Variants in MED12 observed in about 807,000 individuals in gnomAD.
MED12 encodes the protein mediator complex subunit 12, also known as mediator of RNA polymerase II transcription subunit 12.
MED12 carries 10 observed loss-of-function variants against 177.7 expected under a neutral mutation model. That is an observed-to-expected ratio of 0.06 (90% confidence interval 0.03 to 0.10). MED12 has a LOEUF of 0.10. MED12 is among the 10% of genes least tolerant of loss of function. The probability of loss-of-function intolerance (pLI) is 1.00; values close to 1 mark genes in which losing one functional copy is unlikely to be tolerated. For missense variants in MED12, 867 were observed against 1,780.8 expected, an observed-to-expected ratio of 0.49 and a Z score of 9.23; for synonymous variants, 641 against 678.4, an observed-to-expected ratio of 0.94 and a Z score of 0.86.
rs376743527 is a variant in MED12 at position 71,118,781 on chromosome X, C to T, written c.27C>T (p.Tyr9=). 2.4e-5 allele frequency: 29 copies of T among 1,206,244 alleles called. No homozygotes were observed. The African/African-American group carries it at 3.6e-4, about 15-fold the overall frequency. Residue 9 remains tyrosine, a synonymous_variant, in exon 1 of 45, where the codon TAC becomes TAT. Coordinates refer to ENST00000374080, the MANE Select transcript of MED12 (RefSeq NM_005120.3). MAAFGILS[Y]EHRPLKRPRL... Reference sequence around the variant, plus strand: ...TGGCGGCCTTCGGGATCTTGAGCTACGAACACCGGCCCCTGAAGCGGCCGC... The same window carrying T: ...TGGCGGCCTTCGGGATCTTGAGCTATGAACACCGGCCCCTGAAGCGGCCGC...
Position 71,128,337 on chromosome X carries a change from A to G in MED12, c.3251A>G (p.Tyr1084Cys). Residue 1084 changes from tyrosine (Y) to cysteine (C), a missense_variant, in exon 23 of 45, where the codon TAT becomes TGT. Around this residue, in one of 14 missense-constraint regions of MED12, gnomAD observed 70 missense variants for 143.6 expected, o/e 0.49. Coordinates refer to ENST00000374080, the MANE Select transcript of MED12 (RefSeq NM_005120.3). The stretch of plus-strand genomic sequence containing the variant: ...ATCCTGTGTGCAGAGCTGACCGGCT[A>G]TTGCAAGTCACTGAGTGCAGAATGG... ...IAILCAELTG[Y>C]CKSLSAEWLG... 8.3e-7 allele frequency: 1 copy of G among 1,211,740 alleles called. No individual in the cohort carries two copies. Among genetic ancestry groups the G allele is most frequent in the Non-Finnish European group, 1.1e-6 (1 of 895,462 alleles).
intron 33 of MED12, 28 bp from the exon 34 acceptor site, chrX:71,134,329 T>C: frequency 1.1e-6 from 1 of 920,356 alleles, no homozygotes; most frequent in South Asian, 2.1e-5. Context: ...CCCTGAGCCA[T>C]CTGACTGACT....
At chrX:71,139,189 G>A (rs1453163677) in intron 41 of MED12, among the ~76,000 whole-genome samples, 1 of 112,426 alleles carries the variant, frequency 8.9e-6, no homozygotes. Flanking sequence ...GAGGTAAAAT[G>A]TGGATTGAGA....
At chrX:71,133,336 G>GTTT in intron 33 of MED12, 124 bp downstream of exon 33, 14 of 425,336 alleles carry the variant, frequency 3.3e-5, no homozygotes, top group Middle Eastern at 5.9e-4. Flanking sequence ...GTCTTGAAGG[G>GTTT]TTTTTTTTTT....
chrX:71,136,148 A>G lies in MED12; in HGVS notation c.5026-133A>G, dbSNP rs1314191698. ...CTCTTCCGCATGTATATGTGTATCC[A>G]TGTCTGTCTGTCTGCTTCTTACCAT... is the stretch of plus-strand genomic sequence containing the variant. On this transcript the variant is annotated intron_variant, in intron 36 of 44. Coordinates refer to ENST00000374080, the MANE Select transcript of MED12 (RefSeq NM_005120.3). The G allele has an allele frequency of 6.6e-6, 5 of 756,859 alleles. No homozygotes were observed. The East Asian group carries it at 9.7e-5, about 15-fold the overall frequency. 62.4% of individuals were successfully genotyped at this position (756,859 alleles called of 1,213,427 possible).
chrX:71,124,327 A>G lies in MED12; in HGVS notation c.1913A>G (p.Asp638Gly). ...APGPRPPSPFDDPADDPEHKE... is the reference protein window; with the variant it reads ...APGPRPPSPFGDPADDPEHKE... ...GGTCCCCGGCCTCCCTCTCCCTTTG[A>G]TGATCCTGCCGATGACCCAGAGCAC... The change falls in exon 13 of 45, where the codon GAT (aspartate) becomes GGT (glycine). Residue 638 changes from aspartate (D) to glycine (G), a missense_variant. Coordinates refer to ENST00000374080, the MANE Select transcript of MED12 (RefSeq NM_005120.3). The G allele has an allele frequency of 1.8e-5, 22 of 1,209,757 alleles. No individual in the cohort carries two copies. The highest frequency in any genetic ancestry group is 2.5e-5 in the Non-Finnish European group (22 of 894,686).
intron 23 of MED12, 34 bp from the exon 24 acceptor site, chrX:71,128,564 C>G (rs759073401): frequency 1.7e-6 from 2 of 1,210,797 alleles, no homozygotes; most frequent in Non-Finnish European, 2.2e-6. Flanking sequence ...GGCCTCCACA[C>G]TGAGTCATGG....
chrX:71,123,306 G>A (rs2147786953), intron 11 of MED12, 80 bp downstream of exon 11: 1 of 1,135,781 alleles, frequency 8.8e-7, no homozygotes, highest in Non-Finnish European at 1.2e-6. Flanking sequence ...GATGGAGGTG[G>A]TGGAGGGACC....
chrX:71,128,730 A>G lies in MED12; in HGVS notation c.3475+12A>G. ...ACTCCTTAATGCTGGTGAACTACCA[A>G]TCTGTAACCCCTAGCATTTCTAGAC... On this transcript the variant is annotated intron_variant, in intron 24 of 44. Transcript: ENST00000374080. 8.3e-7 allele frequency: 1 copy of G among 1,206,060 alleles called. No homozygotes were observed. The highest frequency in any genetic ancestry group is 1.1e-6 in the Non-Finnish European group (1 of 894,387).
intron 41 of MED12, among the ~76,000 whole-genome samples, chrX:71,138,592 TAGAC>T (rs1380947719): frequency 1.8e-5 from 2 of 109,460 alleles, no homozygotes; most frequent in African/African-American, 3.3e-5. Flanking sequence ...TTTTTTTAAT[TAGAC>T]AGGCGTGTTG....
chrX:71,132,235 C>T, intron 30 of MED12, 29 bp downstream of exon 30: 4 of 1,202,952 alleles, frequency 3.3e-6, no homozygotes, highest in Non-Finnish European at 4.5e-6. Flanking sequence ...AGGACCCATC[C>T]CCTTAGGAGT....
chrX:71,122,183 C>T lies in MED12; in HGVS notation c.1102-17C>T. On this transcript the variant is annotated splice_polypyrimidine_tract_variant and intron_variant, in intron 7 of 44. Transcript: ENST00000374080. ...ACCATGGTGAATGAGTTGGACTTAG[C>T]TGTTTCTATCTGGTAGACCATCCTC... 8.3e-7 allele frequency: 1 copy of T among 1,211,018 alleles called. No homozygotes were observed. Among genetic ancestry groups the T allele is most frequent in the Non-Finnish European group, 1.1e-6 (1 of 894,890 alleles).
chrX:71,118,873 C>T lies in MED12; in HGVS notation c.99+20C>T, dbSNP rs1278547997. The T allele has an allele frequency of 8.5e-7, 1 of 1,177,725 alleles. No individual in the cohort carries two copies. Among genetic ancestry groups the T allele is most frequent in the Non-Finnish European group, 1.2e-6 (1 of 867,532 alleles). On this transcript the variant is annotated intron_variant, in intron 1 of 44. Coordinates refer to ENST00000374080, the MANE Select transcript of MED12 (RefSeq NM_005120.3). ...AAGGAGGTGCGTTCGAAAATCGGGG[C>T]TCTGGAGGGGCCGGGGGCACGCGGT...
In MED12 at chrX:71,125,677, A is replaced by C; in HGVS notation, c.2386A>C (p.Ile796Leu). 1 of 1,019,299 alleles carries C rather than the reference A, an allele frequency of 9.8e-7. No homozygotes were observed. The highest frequency in any genetic ancestry group is 1.3e-6 in the Non-Finnish European group (1 of 775,067). 84.0% of individuals were successfully genotyped at this position (1,019,299 alleles called of 1,213,427 possible). A position where few individuals can be genotyped will look rare whatever the true frequency, so the allele number is the denominator to read the frequency against. Residue 796 changes from isoleucine to leucine, a missense_variant, in exon 17 of 45, where the codon ATT (isoleucine) becomes CTT (leucine). Around this residue, in one of 14 missense-constraint regions of MED12, gnomAD observed 309 missense variants for 556.3 expected, o/e 0.56. Transcript: ENST00000374080. Reference protein sequence around the residue: ...GTAETDQLAPIVPLNPGDLTF... With the variant: ...GTAETDQLAPLVPLNPGDLTF... ...CCCCTCTACAGACCAGCTTGCTCCT[A>C]TTGTGCCTCTGAATCCTGGAGACCT... is the stretch of plus-strand genomic sequence containing the variant.
chrX:71,119,351 A>G, intron 1 of MED12, 22 bp from the exon 2 acceptor site: 1 of 1,153,164 alleles, frequency 8.7e-7, no homozygotes, highest in East Asian at 3.1e-5. Context: ...AAAAACAACT[A>G]AACGCCGCTT....
chrX:71,134,179 C>G (rs1471172292), intron 33 of MED12, among the ~76,000 whole-genome samples, 178 bp from the exon 34 acceptor site: 4 of 101,964 alleles, frequency 3.9e-5, no homozygotes, highest in Non-Finnish European at 7.9e-5. Flanking sequence ...TGCAGTAAGC[C>G]GAGGTCGCGC....
rs1327289842 is a variant in MED12 at position 71,135,196 on chromosome X, C to T, written c.4968C>T (p.Ser1656=). 8.3e-7 allele frequency: 1 copy of T among 1,209,831 alleles called. No individual in the cohort carries two copies. The highest frequency in any genetic ancestry group is 1.8e-5 in the African/African-American group (1 of 57,097). ...RDVITCEPQG[S]LIDTKGNKIA... ...TCATCACGTGTGAGCCACAGGGCTC[C>T]CTTATCGATACCAAGGGCAACAAGA... The change falls in exon 36 of 45, where the codon TCC becomes TCT. Residue 1656 remains serine (S), a synonymous_variant. Transcript: ENST00000374080.
rs1444524190 is a variant in MED12 at position 71,118,627 on chromosome X, T to G, written c.-128T>G. 2 of 557,529 alleles carry G rather than the reference T, an allele frequency of 3.6e-6. No individual in the cohort carries two copies. The highest frequency in any genetic ancestry group is 4.6e-5 in the African/African-American group (2 of 43,498). The allele number at this position is 557,529 out of a possible 1,213,427, so 45.9% of individuals were successfully genotyped here. ...CGGCAATGGTCGAGAGTTTCTAACGTGCCCCCTTGTTGTCTCTCGGCCGCC... is the reference window on the plus strand; with the variant it reads ...CGGCAATGGTCGAGAGTTTCTAACGGGCCCCCTTGTTGTCTCTCGGCCGCC... On this transcript the variant is annotated 5_prime_UTR_variant, in exon 1 of 45. Coordinates refer to ENST00000374080, the MANE Select transcript of MED12 (RefSeq NM_005120.3).
chrX:71,137,934 C>G lies in MED12; in HGVS notation c.6035C>G (p.Ser2012Cys). 4.1e-6 allele frequency: 5 copies of G among 1,210,817 alleles called. No homozygotes were observed. Among genetic ancestry groups the G allele is most frequent in the Non-Finnish European group, 5.6e-6 (5 of 894,612 alleles). The change falls in exon 41 of 45, where the codon TCC (serine) becomes TGC (cysteine). Residue 2012 changes from serine to cysteine, a missense_variant. Ser to Cys is a moderately radical substitution (Grantham distance 112, BLOSUM62 -1). Around this residue, in one of 14 missense-constraint regions of MED12, gnomAD observed 236 missense variants for 345.2 expected, o/e 0.68. Coordinates refer to ENST00000374080, the MANE Select transcript of MED12 (RefSeq NM_005120.3). ...CCCACCTATGGACATGGACTGACCT[C>G]CACTCAAAGGTACCCAAAGTAGTGG... is the stretch of plus-strand genomic sequence containing the variant. Reference protein sequence around the residue: ...QAPTYGHGLTSTQRFSHQTLQ... With the variant: ...QAPTYGHGLTCTQRFSHQTLQ...
Sources: allele counts gnomAD v4.1 joint callset (sites outside exome capture counted in the v4.1 genomes callset), GRCh38; gene constraint gnomAD v4.1.1; regional missense constraint gnomAD v4.1.1; transcripts MANE v1.5; gene names NCBI Gene and HGNC (gene_info 2026-07-23, HGNC 2026-07-21).